The following TENM3 variants were observed in gnomAD, a reference collection of about 807,000 sequenced individuals.
TENM3 encodes the protein teneurin-3.
Under a neutral mutation model 255.1 loss-of-function variants are expected in TENM3, and 63 were observed. The observed-to-expected ratio is 0.25, with a 90% CI of 0.20 to 0.30. The LOEUF (loss-of-function observed/expected upper bound fraction) is 0.30. TENM3 is among the 10% of genes least tolerant of loss of function. The probability of loss-of-function intolerance (pLI) is 1.00; values close to 1 mark genes in which losing one functional copy is unlikely to be tolerated. For missense variants in TENM3, 2,929 were observed against 3,461.1 expected (o/e 0.85, Z 3.86); for synonymous variants, 1,306 against 1,322.3 (o/e 0.99, Z 0.27).
chr4:182,063,312 T>G, the TENM3 span, among the ~76,000 whole-genome samples: 1 of 152,218 alleles, frequency 6.6e-6, no homozygotes, highest in African/African-American at 2.4e-5. Flanking sequence ...CTTCTGTAAA[T>G]TAATTTGTCT....
At chr4:182,108,897 G>C in the TENM3 span, among the ~76,000 whole-genome samples, 2 of 152,036 alleles carry the variant, frequency 1.3e-5, no homozygotes, top group African/African-American at 4.8e-5. Context: ...TCATCATCAA[G>C]AAAAGTGTAT....
intron 1 of TENM3, among the ~76,000 whole-genome samples, chr4:182,172,960 G>A (rs2149701448): frequency 6.6e-6 from 1 of 152,252 alleles, no homozygotes; most frequent in East Asian, 1.9e-4. Flanking sequence ...GAATAAACAT[G>A]AGCAGTTGAC....
the TENM3 span, among the ~76,000 whole-genome samples, chr4:181,976,689 G>A: frequency 6.6e-6 from 1 of 152,286 alleles, no homozygotes; most frequent in South Asian, 2.1e-4. Flanking sequence ...TGTCAAGTAG[G>A]CAATTATACA....
chr4:181,858,781 G>A, the TENM3 span, among the ~76,000 whole-genome samples: 2 of 152,230 alleles, frequency 1.3e-5, no homozygotes, highest in Non-Finnish European at 2.9e-5. Context: ...AATTCACATG[G>A]GCTGCTACAT....
chr4:181,857,551 C>CAAA, the TENM3 span, among the ~76,000 whole-genome samples: 64 of 104,704 alleles, frequency 6.1e-4, no homozygotes, highest in Non-Finnish European at 7.4e-4. Flanking sequence ...CCTGTCTCTA[C>CAAA]AAAAAAAAAA....
chr4:182,684,748 G>C (rs1428285014), intron 11 of TENM3, among the ~76,000 whole-genome samples: 1 of 152,146 alleles, frequency 6.6e-6, no homozygotes, highest in African/African-American at 2.4e-5. Flanking sequence ...CATCAATTCA[G>C]AGGAGCTTCC....
chr4:181,742,118 CTT>C, the TENM3 span, among the ~76,000 whole-genome samples: 1 of 152,050 alleles, frequency 6.6e-6, no homozygotes, highest in South Asian at 2.1e-4. Context: ...TTGCTTGTAA[CTT>C]TAACAGCAAT....
In TENM3 at chr4:182,800,864, G is replaced by A. The variant is rs1038317934; in HGVS notation, c.*513G>A. ...CTGTGCAGCTTTGTAGAAGGACATTGGCACAGTGACTTCTGCGGCGGGGAT... is the reference window on the plus strand; with the variant it reads ...CTGTGCAGCTTTGTAGAAGGACATTAGCACAGTGACTTCTGCGGCGGGGAT... On this transcript the variant is annotated 3_prime_UTR_variant, in exon 28 of 28. Transcript: ENST00000511685. 1 of 152,820 alleles carries A rather than the reference G, an allele frequency of 6.5e-6. No individual in the cohort carries two copies. Among genetic ancestry groups the A allele is most frequent in the Non-Finnish European group, 1.5e-5 (1 of 68,172 alleles). The allele number at this position is 152,820 out of a possible 1,614,324, so 9.5% of individuals were successfully genotyped here. A position where few individuals can be genotyped will look rare whatever the true frequency, so the allele number is the denominator to read the frequency against.
the TENM3 span, among the ~76,000 whole-genome samples, chr4:181,904,027 C>G: frequency 2.0e-5 from 3 of 152,170 alleles, no homozygotes; most frequent in Non-Finnish European, 2.9e-5. Flanking sequence ...CATTCAACAT[C>G]TCCTCTTGGA....
chr4:181,996,322 G>A, the TENM3 span, among the ~76,000 whole-genome samples: 1 of 152,138 alleles, frequency 6.6e-6, no homozygotes, highest in Non-Finnish European at 1.5e-5. Context: ...CTTTAGCCAG[G>A]AGAGTTCAGG....
the TENM3 span, among the ~76,000 whole-genome samples, chr4:182,072,617 C>T: frequency 6.6e-6 from 1 of 152,246 alleles, no homozygotes; most frequent in South Asian, 2.1e-4. Context: ...GCATAGTAAA[C>T]CTCAAAGTTA....
Position 182,362,441 on chromosome 4 carries a change from C to T in TENM3, c.511+15512C>T, listed in dbSNP as rs543368167. Among the ~76,000 whole-genome samples, 456 of 151,990 alleles carry T rather than the reference C, an allele frequency of 3.0e-3. 10 individuals carry two copies. Among genetic ancestry groups the T allele is most frequent in the African/African-American group, 0.011 (441 of 41,462 alleles). On this transcript the variant is annotated intron_variant, in intron 3 of 27. Transcript: ENST00000511685. ...CTGGGCAATGGTGGTCGCCCCTCCCCCAGCCTCACTGCCACCTTGCAGTTT... is the reference window on the plus strand; with the variant it reads ...CTGGGCAATGGTGGTCGCCCCTCCCTCAGCCTCACTGCCACCTTGCAGTTT...
At chr4:182,398,357 C>G (rs1768995513) in intron 3 of TENM3, among the ~76,000 whole-genome samples, 1 of 152,142 alleles carries the variant, frequency 6.6e-6, no homozygotes, top group African/African-American at 2.4e-5. Flanking sequence ...CACCCCACAC[C>G]TCCACTGGGG....
At chr4:181,899,545 T>C in the TENM3 span, among the ~76,000 whole-genome samples, 4 of 151,754 alleles carry the variant, frequency 2.6e-5, no homozygotes, top group Admixed American at 6.6e-5. Flanking sequence ...TGTTGTTTTG[T>C]TTTTTGTTTT....
intron 3 of TENM3, among the ~76,000 whole-genome samples, chr4:182,377,777 A>G (rs1022629301): frequency 3.3e-5 from 5 of 152,178 alleles, no homozygotes; most frequent in African/African-American, 1.2e-4. Context: ...TATTCACATT[A>G]TGGGAAAGCA....
chr4:181,622,592 C>T, the TENM3 span, among the ~76,000 whole-genome samples: 13 of 152,240 alleles, frequency 8.5e-5, no homozygotes, highest in East Asian at 2.5e-3. Flanking sequence ...AGGAGAATCG[C>T]TTGAACCCAG....
the TENM3 span, among the ~76,000 whole-genome samples, chr4:181,922,335 T>C: frequency 6.6e-6 from 1 of 152,216 alleles, no homozygotes; most frequent in South Asian, 2.1e-4. Flanking sequence ...GTACCTCTGG[T>C]AGAATTCCGC....
chr4:181,692,178 G>A, the TENM3 span, among the ~76,000 whole-genome samples: 3 of 152,188 alleles, frequency 2.0e-5, no homozygotes, highest in Admixed American at 2.0e-4. Context: ...ATTGTATAAT[G>A]TATTAAGAGG....
In TENM3 at chr4:182,356,548, G is replaced by T. The variant is rs145650923; in HGVS notation, c.511+9619G>T. ...GAGGACATTTCAGCATCTTCTTAAG[G>T]AAAGGGACGGAGCGGCAGAACAACA... On this transcript the variant is annotated intron_variant, in intron 3 of 27. Transcript: ENST00000511685. 5.1e-4 allele frequency among the ~76,000 whole-genome samples: 77 copies of T among 151,744 alleles called. 1 individual carries two copies. The East Asian group carries it at 0.014, about 28-fold the overall frequency.
Sources: allele counts gnomAD v4.1 joint callset (sites outside exome capture counted in the v4.1 genomes callset), GRCh38; gene constraint gnomAD v4.1.1; transcripts MANE v1.5; gene names NCBI Gene and HGNC (gene_info 2026-07-23, HGNC 2026-07-21).